DOK6: variants seen among roughly 807,000 people sequenced by gnomAD.
DOK6 encodes the protein docking protein 6.
In DOK6, 22 loss-of-function variants were observed where a neutral mutation model predicts 44.0. The observed-to-expected ratio is 0.50, with a 90% confidence interval of 0.36 to 0.71. The LOEUF (loss-of-function observed/expected upper bound fraction) is 0.71. DOK6 is among the 30% of genes least tolerant of loss of function. DOK6 has a pLI of 0.00. For synonymous variants in DOK6, 166 were observed against 145.5 expected (o/e 1.14, Z -1.01); for missense variants, 340 against 416.4 (o/e 0.82, Z 1.60).
intron 7 of DOK6, among the ~76,000 whole-genome samples, chr18:69,827,230 C>T (rs1331693611): frequency 6.6e-6 from 1 of 152,082 alleles, no homozygotes; most frequent in African/African-American, 2.4e-5. Context: ...TAGAGTATAA[C>T]AAACTTTCCA....
chr18:69,520,208 C>T (rs1256180160), intron 1 of DOK6, among the ~76,000 whole-genome samples: 1 of 151,810 alleles, frequency 6.6e-6, no homozygotes. Flanking sequence ...TTCCTGAAGA[C>T]TCTTTAAAAA....
chr18:69,788,548 A>G (rs1980501585), intron 7 of DOK6, among the ~76,000 whole-genome samples: 1 of 152,230 alleles, frequency 6.6e-6, no homozygotes, highest in Non-Finnish European at 1.5e-5. Context: ...AGGTAATGTT[A>G]AGCATATGAT....
At chr18:69,507,032 T>A (rs1568279709) in intron 1 of DOK6, among the ~76,000 whole-genome samples, 2 of 151,962 alleles carry the variant, frequency 1.3e-5, no homozygotes, top group Non-Finnish European at 1.5e-5. Flanking sequence ...TGTTTTTTTG[T>A]TGTGTTTTGT....
chr18:69,830,446 A>C (rs773354946), intron 7 of DOK6, among the ~76,000 whole-genome samples: 3 of 152,176 alleles, frequency 2.0e-5, no homozygotes, highest in Non-Finnish European at 4.4e-5. Flanking sequence ...GACAACTGAC[A>C]TGCTCACACA....
intron 2 of DOK6, among the ~76,000 whole-genome samples, chr18:69,591,772 C>T (rs1252645342): frequency 6.6e-6 from 1 of 152,034 alleles, no homozygotes; most frequent in Non-Finnish European, 1.5e-5. Context: ...GTAGGAAAAG[C>T]ATGTGACATG....
chr18:69,589,870 A>G lies in DOK6; in HGVS notation c.175-9514A>G, dbSNP rs1054173665. Among the ~76,000 whole-genome samples the G allele has an allele frequency of 2.6e-4, 39 of 152,162 alleles. 1 individual carries two copies. Among genetic ancestry groups the G allele is most frequent in the Admixed American group, 1.9e-3 (29 of 15,276 alleles). ...AAAATATCGCTATGTCCTTAAGCCC[A>G]TATCATATACCTCCACTTAAATGGT... On this transcript the variant is annotated intron_variant, in intron 2 of 7. Transcript: ENST00000382713.
chr18:69,447,903 T>G (rs1423815557), intron 1 of DOK6, among the ~76,000 whole-genome samples: 2 of 152,214 alleles, frequency 1.3e-5, no homozygotes, highest in African/African-American at 4.8e-5. Flanking sequence ...CCAGTGACCT[T>G]TAAAGACTTT....
At chr18:69,515,823 C>T (rs1019551997) in intron 1 of DOK6, among the ~76,000 whole-genome samples, 1 of 152,088 alleles carries the variant, frequency 6.6e-6, no homozygotes, top group Admixed American at 6.6e-5. Context: ...CATGTACACA[C>T]AGTGTATGAT....
At chr18:69,618,322 A>G (rs1984361279) in intron 3 of DOK6, among the ~76,000 whole-genome samples, 1 of 152,230 alleles carries the variant, frequency 6.6e-6, no homozygotes, top group Non-Finnish European at 1.5e-5. Flanking sequence ...ATGGCTTCCA[A>G]CAGGTAGGTG....
At chr18:69,497,909 G>A (rs979045380) in intron 1 of DOK6, among the ~76,000 whole-genome samples, 4 of 151,990 alleles carry the variant, frequency 2.6e-5, no homozygotes, top group Non-Finnish European at 2.9e-5. Context: ...AGGATCACTT[G>A]AAGCTAGGAA....
At chr18:69,565,511 GTGTGTGTGTGTATA>G (rs781370110) in intron 2 of DOK6, among the ~76,000 whole-genome samples, 1,165 of 48,580 alleles carry the variant, frequency 0.024, 16 homozygotes, top group African/African-American at 0.05. Context: ...GTGTGTGTGT[GTGTGTGTGTGTATA>G]TATATATACA....
rs567140917 is a variant in DOK6 at position 69,693,563 on chromosome 18, GT to G, written c.410-4837del. Among the ~76,000 whole-genome samples the G allele has an allele frequency of 1.2e-4, 18 of 152,098 alleles. No individual in the cohort carries two copies. In the East Asian group the frequency reaches 3.5e-3, roughly 29 times the overall value. ...CCTGTACGGTTCTCCATTAAACATA[GT>G]TTTCCATCTGTATTCTTACAAAAGG... On this transcript the variant is annotated intron_variant, in intron 4 of 7. Coordinates refer to ENST00000382713, the MANE Select transcript of DOK6 (RefSeq NM_152721.6).
chr18:69,775,091 A>G (rs1055934972), intron 7 of DOK6, among the ~76,000 whole-genome samples: 1 of 151,886 alleles, frequency 6.6e-6, no homozygotes, highest in South Asian at 2.1e-4. Flanking sequence ...ATAACCATTC[A>G]AGAAATGAGG....
At chr18:69,614,618 C>T (rs554613882) in intron 3 of DOK6, among the ~76,000 whole-genome samples, 1 of 151,358 alleles carries the variant, frequency 6.6e-6, no homozygotes, top group East Asian at 2.0e-4. Context: ...TAGATGCTAT[C>T]ACAAAACCTG....
intron 3 of DOK6, among the ~76,000 whole-genome samples, chr18:69,616,359 G>T (rs561760280): frequency 2.6e-4 from 39 of 152,036 alleles, no homozygotes; most frequent in Non-Finnish European, 5.3e-4. Flanking sequence ...GCCCAGGCCT[G>T]GCCTTCCCAT....
At chr18:69,668,794 C>T (rs1985723126) in intron 3 of DOK6, among the ~76,000 whole-genome samples, 1 of 152,130 alleles carries the variant, frequency 6.6e-6, no homozygotes, top group South Asian at 2.1e-4. Flanking sequence ...AAATTTATAT[C>T]TCAATCTTTA....
chr18:69,505,566 C>T (rs993309664), intron 1 of DOK6, among the ~76,000 whole-genome samples: 4 of 136,152 alleles, frequency 2.9e-5, no homozygotes, highest in South Asian at 4.7e-4. Context: ...GGTGTAATCT[C>T]GGCTCACTGC....
chr18:69,503,605 G>A (rs969745068), intron 1 of DOK6, among the ~76,000 whole-genome samples: 12 of 151,922 alleles, frequency 7.9e-5, no homozygotes. Flanking sequence ...ACTAAACAAT[G>A]TCTTAAAATA....
chr18:69,658,981 A>G (rs1985440013), intron 3 of DOK6, among the ~76,000 whole-genome samples: 1 of 152,248 alleles, frequency 6.6e-6, no homozygotes, highest in South Asian at 2.1e-4. Context: ...TCCCTTAAGA[A>G]GGCTATTTTT....
Sources: gnomAD v4.1 joint callset for allele counts (sites outside exome capture counted in the v4.1 genomes callset) on GRCh38, gnomAD v4.1.1 for gene constraint, MANE v1.5 for transcripts, NCBI Gene and HGNC (gene_info 2026-07-23, HGNC 2026-07-21) for gene names.